Variants in CFH observed in about 807,000 individuals in gnomAD.
The protein encoded by CFH is complement factor H.
A neutral mutation model predicts 147.3 loss-of-function variants in CFH; 53 were observed. That is an observed-to-expected ratio of 0.36 (90% CI 0.29 to 0.45). The LOEUF is 0.45. CFH is among the 20% of genes least tolerant of loss of function. The probability of loss-of-function intolerance (pLI) is 1.00; values close to 1 mark genes in which losing one functional copy is unlikely to be tolerated. For synonymous variants in CFH, 536 were observed against 489.4 expected, an observed-to-expected ratio of 1.10 and a Z score of -1.26; for missense variants, 1,380 against 1,498.0, an observed-to-expected ratio of 0.92 and a Z score of 1.30.
chr1:196,732,055 T>TA (rs1400134628), intron 15 of CFH, among the ~76,000 whole-genome samples: 1 of 152,074 alleles, frequency 6.6e-6, no homozygotes, highest in East Asian at 1.9e-4. Flanking sequence ...TTTCTGTCAT[T>TA]ATTTTTTTGA....
intron 9 of CFH, among the ~76,000 whole-genome samples, chr1:196,707,238 A>T (rs980486549): frequency 6.6e-6 from 1 of 152,232 alleles, no homozygotes; most frequent in Non-Finnish European, 1.5e-5. Flanking sequence ...TGCCCTGCTC[A>T]GAGTAAGGGT....
intron 9 of CFH, among the ~76,000 whole-genome samples, chr1:196,709,796 A>G (rs1668681266): frequency 1.3e-5 from 2 of 152,008 alleles, no homozygotes; most frequent in Admixed American, 1.3e-4. Flanking sequence ...CTGCATATGA[A>G]AAAAAAACCT....
chr1:196,735,435 G>A (rs1669377724), intron 15 of CFH, among the ~76,000 whole-genome samples: 1 of 151,980 alleles, frequency 6.6e-6, no homozygotes, highest in South Asian at 2.1e-4. Context: ...GGGTCACAAT[G>A]TTCTTCAAAT....
chr1:196,661,328 G>T (rs968017126), intron 1 of CFH, among the ~76,000 whole-genome samples: 1 of 152,042 alleles, frequency 6.6e-6, no homozygotes, highest in Non-Finnish European at 1.5e-5. Context: ...ATATGGATTT[G>T]TTCCACCATG....
intron 12 of CFH, among the ~76,000 whole-genome samples, chr1:196,725,774 G>C (rs182616029): frequency 6.8e-4 from 104 of 152,226 alleles, no homozygotes; most frequent in Non-Finnish European, 1.3e-3. Flanking sequence ...TTAAGAACCA[G>C]CTCTTCCAGG....
At chr1:196,670,726 G>C (rs949870646) in intron 1 of CFH, among the ~76,000 whole-genome samples, 2 of 152,064 alleles carry the variant, frequency 1.3e-5, no homozygotes, top group Admixed American at 1.3e-4. Context: ...AATACAATCT[G>C]CTTTTAAGAT....
Position 196,740,600 on chromosome 1 carries a change from T to G in CFH, c.2783-19T>G. On this transcript the variant is annotated intron_variant, in intron 17 of 21. Coordinates refer to ENST00000367429, the MANE Select transcript of CFH (RefSeq NM_000186.4). Reference sequence around the variant, plus strand: ...AATTTATGAGTTAGTGAAACCTGAATTCATTCTTTTTTTTTTAGGCCTTCC... The same window carrying G: ...AATTTATGAGTTAGTGAAACCTGAAGTCATTCTTTTTTTTTTAGGCCTTCC... 6.2e-7 allele frequency: 1 copy of G among 1,612,290 alleles called. No homozygotes were observed. Among genetic ancestry groups the G allele is most frequent in the Non-Finnish European group, 8.5e-7 (1 of 1,179,022 alleles).
chr1:196,684,919 A>C, intron 6 of CFH, 145 bp from the exon 7 acceptor site: 1 of 665,248 alleles, frequency 1.5e-6, no homozygotes, highest in Admixed American at 2.5e-5. Flanking sequence ...TATACCAGAA[A>C]GGATACTATG....
At chr1:196,669,858 G>T (rs1407949871) in intron 1 of CFH, among the ~76,000 whole-genome samples, 2 of 152,174 alleles carry the variant, frequency 1.3e-5, no homozygotes, top group African/African-American at 2.4e-5. Context: ...CTGACAGGTT[G>T]CACCTTGTGC....
At chr1:196,741,217 G>C in intron 18 of CFH, 1 of 208,282 alleles carries the variant, frequency 4.8e-6, no homozygotes, top group South Asian at 7.7e-5. Context: ...TATAGGTGGT[G>C]TATTATTCCG....
Position 196,690,185 on chromosome 1 carries a change from A to C in CFH, c.1282A>C (p.Thr428Pro). 1 of 1,613,488 alleles carries C rather than the reference A, an allele frequency of 6.2e-7. No individual in the cohort carries two copies. The highest frequency in any genetic ancestry group is 1.1e-5 in the South Asian group (1 of 91,082). The change falls in exon 9 of 22, where the codon ACA (threonine) becomes CCA (proline). Residue 428 changes from threonine (T) to proline (P), a missense_variant. By Grantham distance (38) the Thr-to-Pro change is conservative. Around this residue, in one of 4 missense-constraint regions of CFH, gnomAD observed 830 missense variants for 821.4 expected, o/e 1.01. Transcript: ENST00000367429. ...CTACGCTCTTCCAAAAGCGCAGACC[A>C]CAGTTACATGTATGGAGAATGGCTG... is the stretch of plus-strand genomic sequence containing the variant. ...PGYALPKAQT[T>P]VTCMENGWSP...
intron 9 of CFH, among the ~76,000 whole-genome samples, chr1:196,702,068 G>A (rs562120400): frequency 6.6e-6 from 1 of 152,216 alleles, no homozygotes; most frequent in African/African-American, 2.4e-5. Flanking sequence ...GTAAAATCAT[G>A]ATAAAGTAAG....
intron 20 of CFH, 30 bp from the exon 21 acceptor site, chr1:196,745,787 C>A (rs36082199): frequency 2.5e-6 from 4 of 1,613,824 alleles, no homozygotes; most frequent in Admixed American, 1.7e-5. Flanking sequence ...GCTCTCACAA[C>A]AAATCAAGTG....
chr1:196,665,097 C>A (rs186389479), intron 1 of CFH, among the ~76,000 whole-genome samples: 1 of 151,490 alleles, frequency 6.6e-6, no homozygotes, highest in Non-Finnish European at 1.5e-5. Flanking sequence ...TGGTAATGGT[C>A]ACGTTAATGC....
intron 5 of CFH, chr1:196,679,137 ATT>A (rs200429765): frequency 1.3e-5 from 2 of 148,984 alleles, no homozygotes; most frequent in South Asian, 2.1e-4. Context: ...GATGATGGCC[ATT>A]TTTTTTTTTT....
At chr1:196,692,865 C>G (rs1434339387) in intron 9 of CFH, among the ~76,000 whole-genome samples, 3 of 89,504 alleles carry the variant, frequency 3.4e-5, no homozygotes, top group Non-Finnish European at 6.5e-5. Flanking sequence ...CCCTTCCCTC[C>G]CTCCCTCTGT....
chr1:196,705,066 C>A (rs776540698), intron 9 of CFH, among the ~76,000 whole-genome samples: 1 of 152,142 alleles, frequency 6.6e-6, no homozygotes, highest in African/African-American at 2.4e-5. Flanking sequence ...ACTCACTAAC[C>A]GTCCGGGGGA....
At chr1:196,717,010 C>T (rs1668885939) in intron 11 of CFH, among the ~76,000 whole-genome samples, 1 of 151,666 alleles carries the variant, frequency 6.6e-6, no homozygotes, top group African/African-American at 2.4e-5. Flanking sequence ...CAAGATGAAG[C>T]CCTGAAACAT....
chr1:196,715,761 T>A lies in CFH; in HGVS notation c.1688T>A (p.Ile563Lys). Residue 563 changes from isoleucine (I) to lysine (K), a missense_variant, in exon 11 of 22, where the codon ATA (isoleucine) becomes AAA (lysine). By Grantham distance (102) the Ile-to-Lys change is moderately radical. Transcript: ENST00000367429. ...TACAATGGTTGGTCTGATTTACCCA[T>A]ATGTTATGGTAAGTACTGGTTTTTC... ...CGYNGWSDLP[I>K]CYERECELPK... 2 of 1,610,290 alleles carry A rather than the reference T, an allele frequency of 1.2e-6. No individual in the cohort carries two copies. The highest frequency in any genetic ancestry group is 1.7e-6 in the Non-Finnish European group (2 of 1,177,552).
Sources: allele counts gnomAD v4.1 joint callset (sites outside exome capture counted in the v4.1 genomes callset), GRCh38; gene constraint gnomAD v4.1.1; regional missense constraint gnomAD v4.1.1; transcripts MANE v1.5; gene names NCBI Gene and HGNC (gene_info 2026-07-23, HGNC 2026-07-21).